The following TNFAIP8 variants were observed in gnomAD, a reference collection of about 807,000 sequenced individuals.
TNFAIP8 encodes TNF alpha induced protein 8.
Under a neutral mutation model 13.3 loss-of-function variants are expected in TNFAIP8, and 7 were observed. The observed-to-expected ratio is 0.52, with a 90% confidence interval of 0.30 to 0.99. TNFAIP8 has a LOEUF of 0.99. Ranked by LOEUF, TNFAIP8 falls within the 50% of genes least tolerant of loss-of-function variation. The pLI, the probability that TNFAIP8 is intolerant of heterozygous loss-of-function variation, is 0.07. For synonymous variants in TNFAIP8, 94 were observed against 87.6 expected (o/e 1.07, Z -0.41); for missense variants, 258 against 236.9 (o/e 1.09, Z -0.58).
chr5:119,309,795 G>T (rs1327395860), intron 1 of TNFAIP8, among the ~76,000 whole-genome samples: 2 of 152,218 alleles, frequency 1.3e-5, no homozygotes, highest in African/African-American at 2.4e-5. Flanking sequence ...GGAAAATTCT[G>T]CTCTTGTCTT....
rs150968430 is a variant in TNFAIP8, at chr5:119,270,053, A to G, written c.1+1146A>G. Among the ~76,000 whole-genome samples the G allele has an allele frequency of 5.9e-5, 9 of 152,346 alleles. No homozygotes were observed. In the East Asian group the frequency reaches 1.7e-3, roughly 29 times the overall value. On this transcript the variant is annotated intron_variant, in intron 1 of 1. Transcript: ENST00000274456. ...TTCCTTGATAATAATCCATTTATGA[A>G]ATGTTCAAAATCACATTCTGAGTAG...
chr5:119,329,686 C>T (rs747420801), intron 1 of TNFAIP8, among the ~76,000 whole-genome samples: 14 of 151,982 alleles, frequency 9.2e-5, no homozygotes, highest in Non-Finnish European at 1.2e-4. Flanking sequence ...ACCTGTAATC[C>T]GAGGATAATG....
chr5:119,353,119 C>T (rs960008676), upstream of TNFAIP8, among the ~76,000 whole-genome samples: 5 of 152,082 alleles, frequency 3.3e-5, no homozygotes, highest in Admixed American at 6.5e-5. Flanking sequence ...ATCAGGCGGG[C>T]GGTAATAGTT....
rs2150808700 is a variant in TNFAIP8, at chr5:119,287,731, AT to A, written c.1+18829del. 2.0e-5 allele frequency among the ~76,000 whole-genome samples: 3 copies of A among 152,304 alleles called. 1 individual carries two copies. The South Asian group carries it at 6.2e-4, about 32-fold the overall frequency. ...TAAATATGTGTTAACGAATGACTTC[AT>A]TTTTAGGATTTGCCTAAATATCATT... On this transcript the variant is annotated intron_variant, in intron 1 of 1. Transcript: ENST00000274456.
At chr5:119,374,026 T>C (rs1032170676) in intron 1 of TNFAIP8, among the ~76,000 whole-genome samples, 1 of 152,196 alleles carries the variant, frequency 6.6e-6, no homozygotes, top group Non-Finnish European at 1.5e-5. Context: ...TTTTTAATGA[T>C]ATATTTAGGG....
chr5:119,355,054 G>C (rs531129030), upstream of TNFAIP8: 44 of 422,370 alleles, frequency 1.0e-4, no homozygotes, highest in East Asian at 2.0e-3. Context: ...CTTTGCAGAA[G>C]GGAAAACCAA....
rs764849109 is a variant in TNFAIP8, at chr5:119,393,157, C to T, written c.373C>T (p.Arg125Trp). 1.3e-5 allele frequency: 21 copies of T among 1,613,848 alleles called. No homozygotes were observed. Among genetic ancestry groups the T allele is most frequent in the Non-Finnish European group, 1.4e-5 (16 of 1,179,888 alleles). Residue 125 changes from arginine (R) to tryptophan (W), a missense_variant, in exon 2 of 2, where the codon CGG becomes TGG. By Grantham distance (101) the Arg-to-Trp change is moderately radical. Coordinates refer to ENST00000504771, the MANE Select transcript of TNFAIP8 (RefSeq NM_014350.4). The stretch of plus-strand genomic sequence containing the variant: ...CCATCAGGTGGATTATACCTTTGAC[C>T]GGAATGTGTTATCCAGGCTGTTAAA... ...SFHQVDYTFD[R>W]NVLSRLLNEC...
At position 119,270,563 on chromosome 5, in the gene TNFAIP8, T is replaced by G. The variant is rs147738445; in HGVS notation, c.1+1656T>G. ...AGGGGCCCACAAGTAATTGTTAATA[T>G]TCTAGCTAGTAACACAATTTGCTTT... On this transcript the variant is annotated intron_variant, in intron 1 of 1. Coordinates refer to the TNFAIP8 transcript ENST00000274456. Among the ~76,000 whole-genome samples the G allele has an allele frequency of 5.0e-3, 758 of 152,358 alleles. 5 individuals carry two copies. Among genetic ancestry groups the G allele is most frequent in the Non-Finnish European group, 7.4e-3 (501 of 68,032 alleles).
At chr5:119,275,012 A>T (rs142962299) in intron 1 of TNFAIP8, among the ~76,000 whole-genome samples, 13 of 113,670 alleles carry the variant, frequency 1.1e-4, no homozygotes, top group African/African-American at 3.0e-4. Context: ...ATTTTTTTTT[A>T]ATTTTTTTTT....
chr5:119,389,930 G>C (rs549088201), intron 1 of TNFAIP8, among the ~76,000 whole-genome samples: 4 of 152,286 alleles, frequency 2.6e-5, no homozygotes, highest in Non-Finnish European at 5.9e-5. Context: ...CAGTAGATTT[G>C]CCTGTTACAC....
chr5:119,372,762 C>G (rs1415429791), intron 1 of TNFAIP8, among the ~76,000 whole-genome samples: 2 of 152,086 alleles, frequency 1.3e-5, no homozygotes, highest in African/African-American at 4.8e-5. Context: ...GAGTTCGAGA[C>G]CAGACTGGTC....
At chr5:119,280,926 G>A (rs1343988243) in intron 1 of TNFAIP8, among the ~76,000 whole-genome samples, 1 of 151,654 alleles carries the variant, frequency 6.6e-6, no homozygotes, top group Non-Finnish European at 1.5e-5. Context: ...TAATTGTTAT[G>A]AGCTCATGGA....
At chr5:119,276,752 A>C (rs1318753156) in intron 1 of TNFAIP8, among the ~76,000 whole-genome samples, 1 of 152,064 alleles carries the variant, frequency 6.6e-6, no homozygotes, top group Non-Finnish European at 1.5e-5. Flanking sequence ...ATTTAACCTT[A>C]ATTGTTTATT....
chr5:119,271,878 G>A (rs1020356973), intron 1 of TNFAIP8, among the ~76,000 whole-genome samples: 4 of 152,018 alleles, frequency 2.6e-5, no homozygotes, highest in East Asian at 1.9e-4. Flanking sequence ...AAAGGCCCTC[G>A]TAACACCCAA....
In TNFAIP8 at chr5:119,305,314, A is replaced by C. The variant is rs181771242; in HGVS notation, c.1+36407A>C. 2.0e-5 allele frequency among the ~76,000 whole-genome samples: 3 copies of C among 152,324 alleles called. No homozygotes were observed. The East Asian group carries it at 5.8e-4, about 29-fold the overall frequency. On this transcript the variant is annotated intron_variant, in intron 1 of 1. Coordinates refer to the TNFAIP8 transcript ENST00000274456. ...GAAAGATACATATTTTCTAGTTCTC[A>C]AGGAGGAGATGAAATTTCCAAATAT...
chr5:119,358,817 C>G (rs1165564653), intron 1 of TNFAIP8, among the ~76,000 whole-genome samples: 1 of 152,094 alleles, frequency 6.6e-6, no homozygotes, highest in Non-Finnish European at 1.5e-5. Flanking sequence ...CTCCTTTGCT[C>G]TGGATGTTGA....
chr5:119,397,111 C>T lies in TNFAIP8; in HGVS notation c.*3730C>T, dbSNP rs1433757172. 1 of 138,912 alleles carries T rather than the reference C, an allele frequency of 7.2e-6. No homozygotes were observed. Among genetic ancestry groups the T allele is most frequent in the African/African-American group, 2.7e-5 (1 of 37,520 alleles). 8.6% of individuals were successfully genotyped at this position (138,912 alleles called of 1,614,324 possible). ...CACAATTATCTGGAAAGTTCTTTTT[C>T]TCCCACCATGTGAATACACACACAC... On this transcript the variant is annotated 3_prime_UTR_variant, in exon 2 of 2. Coordinates refer to ENST00000504771, the MANE Select transcript of TNFAIP8 (RefSeq NM_014350.4).
intron 1 of TNFAIP8, among the ~76,000 whole-genome samples, chr5:119,342,319 G>T (rs1750764483): frequency 6.6e-6 from 1 of 151,342 alleles, no homozygotes; most frequent in South Asian, 2.1e-4. Context: ...TGAACATGAA[G>T]AAGGTTTTGA....
intron 1 of TNFAIP8, among the ~76,000 whole-genome samples, chr5:119,365,900 C>T (rs531137381): frequency 1.3e-5 from 2 of 152,054 alleles, no homozygotes; most frequent in East Asian, 3.9e-4. Context: ...CAAGTAGCAC[C>T]CACTGTAAGG....
Sources: gnomAD v4.1 joint callset for allele counts (sites outside exome capture counted in the v4.1 genomes callset) on GRCh38, gnomAD v4.1.1 for gene constraint, MANE v1.5 for transcripts, NCBI Gene and HGNC (gene_info 2026-07-23, HGNC 2026-07-21) for gene names.